FAM210A: variants seen among roughly 807,000 people sequenced by gnomAD.
FAM210A encodes the protein mitochondrial inner membrane scaffold 1.
Under a neutral mutation model 25.3 loss-of-function variants are expected in FAM210A, and 13 were observed. The observed-to-expected ratio is 0.51, with a 90% CI of 0.33 to 0.82. FAM210A has a LOEUF of 0.82. Among genes scored for constraint, FAM210A ranks in the 40% least tolerant of loss-of-function variants. The pLI is 0.02. For missense variants in FAM210A, 319 were observed against 323.2 expected (o/e 0.99, Z 0.10); for synonymous variants, 125 against 118.7 (o/e 1.05, Z -0.35).
chr18:13,707,913 T>C (rs895453718), intron 1 of FAM210A, among the ~76,000 whole-genome samples: 4 of 152,120 alleles, frequency 2.6e-5, no homozygotes, highest in African/African-American at 7.2e-5. Context: ...TTTTTGTCTA[T>C]AAATCTTCTT....
chr18:13,692,129 A>G (rs549937973), intron 1 of FAM210A, among the ~76,000 whole-genome samples: 1 of 151,636 alleles, frequency 6.6e-6, no homozygotes, highest in African/African-American at 2.4e-5. Context: ...ACTTTAAACC[A>G]ACAAAGATCA....
rs1784019915 is a variant in FAM210A, at chr18:13,666,299, T to C, written c.*181A>G. 1.7e-6 allele frequency: 1 copy of C among 591,116 alleles called. No homozygotes were observed. The highest frequency in any genetic ancestry group is 1.9e-5 in the African/African-American group (1 of 53,814). The allele number at this position is 591,116 out of a possible 1,614,324, so 36.6% of individuals were successfully genotyped here. On this transcript the variant is annotated 3_prime_UTR_variant, in exon 4 of 4. Transcript: ENST00000651643. ...CTTAAACTGGGTTCATTTCTTCCCT[T>C]GTAATAACACTGATTTTTCTAGTGA...
At chr18:13,684,212 T>C (rs1227049122) in intron 1 of FAM210A, among the ~76,000 whole-genome samples, 1 of 151,940 alleles carries the variant, frequency 6.6e-6, no homozygotes, top group Non-Finnish European at 1.5e-5. Context: ...CTGGCCAACA[T>C]GGTGAAACCC....
intron 1 of FAM210A, among the ~76,000 whole-genome samples, chr18:13,725,299 TAACA>T (rs1361033089): frequency 1.3e-5 from 2 of 152,210 alleles, no homozygotes; most frequent in Non-Finnish European, 2.9e-5. Flanking sequence ...TTTCATATAA[TAACA>T]AATACAAGCA....
At chr18:13,707,051 A>G (rs184083772) in intron 1 of FAM210A, among the ~76,000 whole-genome samples, 2 of 152,314 alleles carry the variant, frequency 1.3e-5, no homozygotes, top group Admixed American at 6.5e-5. Flanking sequence ...AAATGTTTTC[A>G]TGTAGCCATC....
chr18:13,676,117 GC>G (rs1234455374), intron 2 of FAM210A, among the ~76,000 whole-genome samples: 1 of 146,582 alleles, frequency 6.8e-6, no homozygotes, highest in South Asian at 2.2e-4. Flanking sequence ...ACATTCCTGA[GC>G]CCCTGACCTC....
At chr18:13,726,067 A>T (rs1388515475) in intron 1 of FAM210A, among the ~76,000 whole-genome samples, 1 of 152,226 alleles carries the variant, frequency 6.6e-6, no homozygotes. Flanking sequence ...AAGGAGGCTG[A>T]AAAACAGTCC....
intron 1 of FAM210A, among the ~76,000 whole-genome samples, chr18:13,704,484 C>T (rs1164073282): frequency 6.6e-6 from 1 of 152,130 alleles, no homozygotes; most frequent in Non-Finnish European, 1.5e-5. Flanking sequence ...TTATAAAAAT[C>T]TCACCTCATG....
intron 1 of FAM210A, among the ~76,000 whole-genome samples, chr18:13,721,708 T>C (rs1448077783): frequency 6.6e-6 from 1 of 152,076 alleles, no homozygotes; most frequent in Non-Finnish European, 1.5e-5. Context: ...ATAGGATGAA[T>C]ATGGGGACCC....
rs1414895862 is a variant in FAM210A, at chr18:13,663,778, GC to G, written c.*2701del. On this transcript the variant is annotated 3_prime_UTR_variant, in exon 4 of 4. Coordinates refer to ENST00000651643, the MANE Select transcript of FAM210A (RefSeq NM_152352.4). Reference sequence around the variant, plus strand: ...GCAAGTGAGCTATGATCATGCCACTGCACTCTAGCCTGGGTGACAGAGTGAG... The same window carrying G: ...GCAAGTGAGCTATGATCATGCCACTGACTCTAGCCTGGGTGACAGAGTGAG... 6.6e-6 allele frequency: 1 copy of G among 152,082 alleles called. No homozygotes were observed. Among genetic ancestry groups the G allele is most frequent in the African/African-American group, 2.4e-5 (1 of 41,378 alleles). 9.4% of individuals were successfully genotyped at this position (152,082 alleles called of 1,614,324 possible). A position where few individuals can be genotyped will look rare whatever the true frequency, so the allele number is the denominator to read the frequency against.
intron 1 of FAM210A, among the ~76,000 whole-genome samples, chr18:13,692,996 G>A (rs1490614475): frequency 1.3e-5 from 2 of 152,100 alleles, no homozygotes; most frequent in African/African-American, 4.8e-5. Context: ...TTGATAGACT[G>A]CTAGCAAGAC....
At chr18:13,672,160 C>G (rs889202306) in intron 2 of FAM210A, among the ~76,000 whole-genome samples, 187 bp from the exon 3 acceptor site, 1 of 152,178 alleles carries the variant, frequency 6.6e-6, no homozygotes, top group Admixed American at 6.5e-5. Flanking sequence ...GCAACATGCA[C>G]ACAAACATCA....
intron 1 of FAM210A, among the ~76,000 whole-genome samples, chr18:13,699,572 G>A (rs1481430004): frequency 6.6e-6 from 1 of 152,036 alleles, no homozygotes; most frequent in Non-Finnish European, 1.5e-5. Flanking sequence ...CTAAGCCATG[G>A]TTATTATCTG....
At chr18:13,701,920 T>TA (rs908469567) in intron 1 of FAM210A, among the ~76,000 whole-genome samples, 8 of 152,126 alleles carry the variant, frequency 5.3e-5, no homozygotes, top group Non-Finnish European at 1.2e-4. Context: ...CTCTCTTGGA[T>TA]AAAAAATGGG....
chr18:13,705,567 G>A (rs971341287), intron 1 of FAM210A, among the ~76,000 whole-genome samples: 1 of 152,158 alleles, frequency 6.6e-6, no homozygotes, highest in Non-Finnish European at 1.5e-5. Flanking sequence ...TGCCTTCCGG[G>A]TTCAAGCAAT....
At chr18:13,692,824 A>G (rs2149061809) in intron 1 of FAM210A, among the ~76,000 whole-genome samples, 1 of 152,342 alleles carries the variant, frequency 6.6e-6, no homozygotes, top group South Asian at 2.1e-4. Context: ...CCCTAACATC[A>G]CAATTAAAAG....
chr18:13,708,183 G>C (rs546983220), intron 1 of FAM210A, among the ~76,000 whole-genome samples: 31 of 152,304 alleles, frequency 2.0e-4, no homozygotes, highest in African/African-American at 6.0e-4. Context: ...CGCTGGGTTT[G>C]ATTAATTTGC....
intron 2 of FAM210A, 128 bp from the exon 3 acceptor site, chr18:13,672,101 A>G (rs549576046): frequency 1.6e-6 from 1 of 606,692 alleles, no homozygotes; most frequent in East Asian, 3.0e-5. Context: ...CTACATTATC[A>G]AGCACTTTAC....
At chr18:13,679,449 T>TG (rs1445114445) in intron 2 of FAM210A, among the ~76,000 whole-genome samples, 1 of 152,234 alleles carries the variant, frequency 6.6e-6, no homozygotes, top group Non-Finnish European at 1.5e-5. Context: ...CCTTTTTCTT[T>TG]CATTCATGAA....
Sources: allele counts gnomAD v4.1 joint callset (sites outside exome capture counted in the v4.1 genomes callset), GRCh38; gene constraint gnomAD v4.1.1; transcripts MANE v1.5; gene names NCBI Gene and HGNC (gene_info 2026-07-23, HGNC 2026-07-21).